SCAMP2: variants seen among roughly 807,000 people sequenced by gnomAD.
SCAMP2 encodes secretory carrier membrane protein 2.
A neutral mutation model predicts 44.1 loss-of-function variants in SCAMP2; 25 were observed. The observed-to-expected ratio is 0.57, with a 90% CI of 0.41 to 0.79. The LOEUF (loss-of-function observed/expected upper bound fraction) is 0.79. Ranked by LOEUF, SCAMP2 falls within the 30% of genes least tolerant of loss-of-function variation. The pLI, the probability that SCAMP2 is intolerant of heterozygous loss-of-function variation, is 0.00. For missense variants in SCAMP2, 355 were observed against 411.0 expected, an observed-to-expected ratio of 0.86 and a Z score of 1.18; for synonymous variants, 156 against 166.0, an observed-to-expected ratio of 0.94 and a Z score of 0.46.
intron 3 of SCAMP2, chr15:74,853,350 C>G (rs1424194471): frequency 2.2e-6 from 1 of 452,908 alleles, no homozygotes; most frequent in Non-Finnish European, 4.5e-6. Flanking sequence ...TCCTCCTGCT[C>G]ATCTACATTA....
chr15:74,863,631 C>A (rs959696058), intron 1 of SCAMP2, among the ~76,000 whole-genome samples: 1 of 152,158 alleles, frequency 6.6e-6, no homozygotes, highest in Non-Finnish European at 1.5e-5. Context: ...GCATTCAAGG[C>A]CTTCCAGGAC....
At chr15:74,861,327 C>T (rs1438375223) in intron 1 of SCAMP2, among the ~76,000 whole-genome samples, 3 of 152,118 alleles carry the variant, frequency 2.0e-5, no homozygotes, top group Non-Finnish European at 4.4e-5. Flanking sequence ...AGCAATCACC[C>T]CCAGAGTGGC....
chr15:74,854,337 A>T (rs2064454344), intron 2 of SCAMP2, among the ~76,000 whole-genome samples: 1 of 152,194 alleles, frequency 6.6e-6, no homozygotes, highest in Non-Finnish European at 1.5e-5. Context: ...GGTCCAGCAC[A>T]CTTGGGCACT....
intron 1 of SCAMP2, among the ~76,000 whole-genome samples, chr15:74,865,047 C>A (rs1169538975): frequency 7.4e-6 from 1 of 135,640 alleles, no homozygotes; most frequent in Non-Finnish European, 1.5e-5. Context: ...TGAGATCACA[C>A]CACTGCACTC....
chr15:74,850,516 A>G lies in SCAMP2; in HGVS notation c.630T>C (p.Phe210=). Residue 210 remains phenylalanine, a splice_region_variant and synonymous_variant, in exon 6 of 9, where the codon TTT becomes TTC. Transcript: ENST00000268099. Reference sequence around the variant, plus strand: ...CCCCTTGCCCCGGCCTCACTCACCTAAAGGCCTTATAGATGGGTCGGTACC... The same window carrying G: ...CCCCTTGCCCCGGCCTCACTCACCTGAAGGCCTTATAGATGGGTCGGTACC... ...LCWYRPIYKA[F]RSDNSFSFFV... 1.2e-6 allele frequency: 2 copies of G among 1,613,218 alleles called. No individual in the cohort carries two copies. The highest frequency in any genetic ancestry group is 1.7e-6 in the Non-Finnish European group (2 of 1,179,384).
In SCAMP2 at chr15:74,844,349, G is replaced by C. The variant is rs917773576; in HGVS notation, c.*734C>G. 3.9e-5 allele frequency: 6 copies of C among 152,246 alleles called. No individual in the cohort carries two copies. Among genetic ancestry groups the C allele is most frequent in the Non-Finnish European group, 7.3e-5 (5 of 68,098 alleles). The allele number at this position is 152,246 out of a possible 1,614,324, so 9.4% of individuals were successfully genotyped here. On this transcript the variant is annotated 3_prime_UTR_variant, in exon 9 of 9. Coordinates refer to ENST00000268099, the MANE Select transcript of SCAMP2 (RefSeq NM_005697.5). ...TTCCAGTCCCCAAATCCCAACCAAC[G>C]GCATTGTACATTCAGAAAGTCTGAA...
At chr15:74,850,410 T>C (rs769750308) in intron 6 of SCAMP2, 104 bp downstream of exon 6, 5 of 1,041,410 alleles carry the variant, frequency 4.8e-6, no homozygotes, top group Non-Finnish European at 7.2e-6. Context: ...CCCTACATTC[T>C]ATTCTGCTCT....
intron 2 of SCAMP2, 138 bp downstream of exon 2, chr15:74,854,443 G>A (rs971986050): frequency 1.1e-5 from 9 of 786,174 alleles, no homozygotes; most frequent in East Asian, 2.7e-5. Context: ...CCTGCCTCCC[G>A]GGTTCATGTT....
chr15:74,854,713 G>C (rs1054029513), intron 1 of SCAMP2, 64 bp from the exon 2 acceptor site: 6 of 1,452,414 alleles, frequency 4.1e-6, no homozygotes, highest in Non-Finnish European at 5.7e-6. Flanking sequence ...GCCGGCAGGC[G>C]AGCCGGTGAC....
rs1240780698 is a variant in SCAMP2 at position 74,854,001 on chromosome 15, G to C, written c.225+20C>G. The C allele has an allele frequency of 1.9e-6, 3 of 1,600,348 alleles. No individual in the cohort carries two copies. Among genetic ancestry groups the C allele is most frequent in the African/African-American group, 2.7e-5 (2 of 74,626 alleles). On this transcript the variant is annotated intron_variant, in intron 3 of 8. Coordinates refer to ENST00000268099, the MANE Select transcript of SCAMP2 (RefSeq NM_005697.5). The stretch of plus-strand genomic sequence containing the variant: ...TTCCCTCACTGGAGAGAAAAGGCCA[G>C]AGTTCTTTGTCAGCACTACCTGGGG...
At chr15:74,862,140 G>C (rs1402934302) in intron 1 of SCAMP2, among the ~76,000 whole-genome samples, 1 of 149,978 alleles carries the variant, frequency 6.7e-6, no homozygotes, top group African/African-American at 2.4e-5. Flanking sequence ...GCATGCGCCT[G>C]TATTCCCAGC....
rs1389449110 is a variant in SCAMP2 at position 74,845,141 on chromosome 15, C to T, written c.932G>A (p.Ser311Asn). The change falls in exon 9 of 9, where the codon AGC becomes AAC. Residue 311 changes from serine to asparagine, a missense_variant. Physicochemically the swap from Ser to Asn is conservative, Grantham distance 46. Transcript: ENST00000268099. ...TGAAGCAGCTCTGTGGAAGGTTCTG[C>T]TGCTGAAGATGCCCTGGGAAAACTC... ...QEEFSQGIFSSRTFHRAASSA... is the reference protein window; with the variant it reads ...QEEFSQGIFSNRTFHRAASSA... The T allele has an allele frequency of 6.2e-7, 1 of 1,614,052 alleles. No individual in the cohort carries two copies. The highest frequency in any genetic ancestry group is 2.2e-5 in the East Asian group (1 of 44,882).
At position 74,848,491 on chromosome 15, in the gene SCAMP2, A is replaced by G. The variant is rs887387392; in HGVS notation, c.734+109T>C. The G allele has an allele frequency of 1.9e-5, 13 of 691,016 alleles. No individual in the cohort carries two copies. The African/African-American group carries it at 2.0e-4, about 11-fold the overall frequency. 42.8% of individuals were successfully genotyped at this position (691,016 alleles called of 1,614,324 possible). ...CTGGCCCACTCACCCACTCCCCGCC[A>G]TGGGAAAAGCAGGGCACTGGCGGGG... On this transcript the variant is annotated intron_variant, in intron 7 of 8. Coordinates refer to ENST00000268099, the MANE Select transcript of SCAMP2 (RefSeq NM_005697.5).
At chr15:74,853,449 T>A (rs1331412705) in intron 3 of SCAMP2, 1 of 456,486 alleles carries the variant, frequency 2.2e-6, no homozygotes. Context: ...GCTCGCTCAC[T>A]GCCAGGAATT....
At chr15:74,852,352 T>C (rs2064441175) in intron 3 of SCAMP2, 166 bp from the exon 4 acceptor site, 1 of 429,684 alleles carries the variant, frequency 2.3e-6, no homozygotes, top group Non-Finnish European at 4.1e-6. Context: ...GAGACCACCT[T>C]AGAGAGGCCA....
chr15:74,859,067 G>A (rs1024968182), intron 1 of SCAMP2, among the ~76,000 whole-genome samples: 36 of 151,906 alleles, frequency 2.4e-4, no homozygotes, highest in African/African-American at 7.7e-4. Flanking sequence ...CTCAGCCTCC[G>A]AAAGTGGTGG....
chr15:74,852,078 T>C lies in SCAMP2; in HGVS notation c.334A>G (p.Asn112Asp). ...KERELQNTVA[N>D]LHVRQNNWPP... The stretch of plus-strand genomic sequence containing the variant: ...CAGCAGCCTCCCTTACCATGCAAGT[T>C]GGCTACAGTGTTCTGCAGCTCCCGC... The change falls in exon 4 of 9, where the codon AAC becomes GAC. Residue 112 changes from asparagine (N) to aspartate (D), a missense_variant. Physicochemically the swap from Asn to Asp is conservative, Grantham distance 23. Coordinates refer to ENST00000268099, the MANE Select transcript of SCAMP2 (RefSeq NM_005697.5). The C allele has an allele frequency of 6.3e-7, 1 of 1,575,586 alleles. No individual in the cohort carries two copies.
Position 74,847,430 on chromosome 15 carries a change from G to A in SCAMP2, c.734+1170C>T, listed in dbSNP as rs369959964. ...TCTGATTCCCAGTACAGGTGCAAAC[G>A]GCAGTCATGAATCACAGCTTTTCTA... On this transcript the variant is annotated intron_variant, in intron 7 of 8. Transcript: ENST00000268099. 9.5e-4 allele frequency among the ~76,000 whole-genome samples: 145 copies of A among 152,282 alleles called. 2 individuals carry two copies. In the South Asian group the frequency reaches 0.027, roughly 28 times the overall value.
intron 8 of SCAMP2, 72 bp from the exon 9 acceptor site, chr15:74,845,289 C>T: frequency 1.3e-6 from 2 of 1,592,860 alleles, no homozygotes; most frequent in Non-Finnish European, 1.7e-6. Context: ...CCAGGTTATA[C>T]TCCCAAAGGG....
Sources: allele counts gnomAD v4.1 joint callset (sites outside exome capture counted in the v4.1 genomes callset), GRCh38; gene constraint gnomAD v4.1.1; transcripts MANE v1.5; gene names NCBI Gene and HGNC (gene_info 2026-07-23, HGNC 2026-07-21).